Variants in SMS observed in about 807,000 individuals in gnomAD.
SMS encodes the protein spermidine aminopropyltransferase.
A neutral mutation model predicts 33.0 loss-of-function variants in SMS; 3 were observed. That is an observed-to-expected ratio of 0.09 (90% CI 0.04 to 0.23). SMS has a LOEUF of 0.23. Among genes scored for constraint, SMS ranks in the 10% least tolerant of loss-of-function variants. The pLI is 1.00. For synonymous variants in SMS, 103 were observed against 112.2 expected (o/e 0.92, Z 0.52); for missense variants, 117 against 288.6 (o/e 0.41, Z 4.31).
intron 1 of SMS, among the ~76,000 whole-genome samples, chrX:21,956,094 C>A (rs1371858234): frequency 8.9e-6 from 1 of 112,382 alleles, no homozygotes; most frequent in African/African-American, 3.2e-5. Flanking sequence ...TAACTTAGTG[C>A]ATTGAGTTTT....
chrX:21,954,790 A>G (rs1456512156), intron 1 of SMS, among the ~76,000 whole-genome samples: 3 of 111,826 alleles, frequency 2.7e-5, no homozygotes, highest in African/African-American at 9.8e-5. Context: ...TGGAAATGCT[A>G]TTTCATTGTT....
intron 1 of SMS, among the ~76,000 whole-genome samples, chrX:21,944,522 C>CAAAAAAAAAAAAAAAA (rs777680386): frequency 2.6e-4 from 9 of 34,698 alleles, no homozygotes; most frequent in African/African-American, 4.8e-4. Flanking sequence ...CCTGTCTCTA[C>CAAAAAAAAAAAAAAAA]AAAAAAAAAA....
chrX:21,979,449 C>T (rs112421038), intron 7 of SMS, among the ~76,000 whole-genome samples: 6 of 109,356 alleles, frequency 5.5e-5, no homozygotes, highest in East Asian at 2.9e-4. Flanking sequence ...TGAGAACATG[C>T]GGTGTTTGGT....
intron 1 of SMS, among the ~76,000 whole-genome samples, chrX:21,944,522 C>CAAAAAAAAAAAAAAAAA (rs777680386): frequency 8.7e-4 from 30 of 34,664 alleles, no homozygotes; most frequent in Non-Finnish European, 1.1e-3. Flanking sequence ...CCTGTCTCTA[C>CAAAAAAAAAAAAAAAAA]AAAAAAAAAA....
At chrX:21,945,639 C>T (rs185195649) in intron 1 of SMS, among the ~76,000 whole-genome samples, 1 of 69,694 alleles carries the variant, frequency 1.4e-5, no homozygotes, top group African/African-American at 5.5e-5. Context: ...TCCCGTCCCC[C>T]CCCCCACCCC....
intron 1 of SMS, among the ~76,000 whole-genome samples, chrX:21,953,571 C>T (rs7883330): frequency 0.15 from 17,064 of 111,551 alleles, 1,006 homozygotes; most frequent in African/African-American, 0.17. Flanking sequence ...TCAGCGGGAA[C>T]TGGGTTTTCT....
intron 1 of SMS, chrX:21,941,420 G>A (rs1921765238): frequency 5.3e-6 from 1 of 189,757 alleles, no homozygotes; most frequent in Non-Finnish European, 1.0e-5. Flanking sequence ...GCTGGGGCTG[G>A]GGAAAGGTCT....
At chrX:21,953,735 G>C (rs909504328) in intron 1 of SMS, among the ~76,000 whole-genome samples, 2 of 112,188 alleles carry the variant, frequency 1.8e-5, no homozygotes, top group Non-Finnish European at 3.8e-5. Flanking sequence ...GTTGGTGCTT[G>C]CAGAGTATCC....
chrX:21,991,948 T>C (rs56280627), intron 9 of SMS, among the ~76,000 whole-genome samples: 23,711 of 111,202 alleles, frequency 0.21, 2,189 homozygotes, highest in African/African-American at 0.35. Context: ...AGACTTCCAG[T>C]ATATCTCATT....
intron 2 of SMS, among the ~76,000 whole-genome samples, chrX:21,967,977 T>C (rs1923862362): frequency 8.9e-6 from 1 of 112,448 alleles, no homozygotes; most frequent in South Asian, 3.7e-4. Context: ...TCAGCAGAGA[T>C]GATATCGGAG....
chrX:21,980,429 A>AAAATAT (rs1260210326), intron 7 of SMS, among the ~76,000 whole-genome samples: 2 of 63,047 alleles, frequency 3.2e-5, no homozygotes, highest in South Asian at 1.5e-3. Context: ...AAAAAAAAAA[A>AAAATAT]ATATATATAT....
chrX:21,942,829 C>CTTT (rs772851812), intron 1 of SMS, among the ~76,000 whole-genome samples: 6 of 81,889 alleles, frequency 7.3e-5, no homozygotes, highest in African/African-American at 2.6e-4. Context: ...ATTTTCTTAA[C>CTTT]TTTTTTTTTT....
At chrX:21,982,336 CAAAAAA>C (rs11430711) in intron 7 of SMS, among the ~76,000 whole-genome samples, 4 of 46,096 alleles carry the variant, frequency 8.7e-5, no homozygotes, top group Non-Finnish European at 1.7e-4. Context: ...AGACTTGTCT[CAAAAAA>C]AAAAAAAAAA....
In SMS at chrX:21,983,894, A is replaced by C. The variant is rs760938568; in HGVS notation, c.751-410A>C. 1.4e-4 allele frequency among the ~76,000 whole-genome samples: 16 copies of C among 111,659 alleles called. No homozygotes were observed. In the South Asian group the frequency reaches 5.6e-3, roughly 39 times the overall value. On this transcript the variant is annotated intron_variant, in intron 7 of 10. Coordinates refer to ENST00000404933, the MANE Select transcript of SMS (RefSeq NM_004595.5). Reference sequence around the variant, plus strand: ...TTAAAAATAGTTTATTAATTAAAAAAATAAAAATTAAAAGAAGATGATACA... The same window carrying C: ...TTAAAAATAGTTTATTAATTAAAAACATAAAAATTAAAAGAAGATGATACA...
At chrX:21,948,025 C>T (rs1922355647) in intron 1 of SMS, among the ~76,000 whole-genome samples, 1 of 111,558 alleles carries the variant, frequency 9.0e-6, no homozygotes, top group Admixed American at 9.5e-5. Context: ...CTTTTCCCAA[C>T]TCTGCAAAAG....
At chrX:21,960,144 G>T (rs1923242291) in intron 1 of SMS, among the ~76,000 whole-genome samples, 1 of 111,244 alleles carries the variant, frequency 9.0e-6, no homozygotes, top group Admixed American at 9.6e-5. Flanking sequence ...TGGAGCAGTA[G>T]GTGGGCTGGA....
At chrX:21,983,172 C>T (rs761183474) in intron 7 of SMS, among the ~76,000 whole-genome samples, 8 of 110,369 alleles carry the variant, frequency 7.2e-5, no homozygotes, top group Non-Finnish European at 1.5e-4. Context: ...CCTGAGTAGC[C>T]GGGACTACAG....
At chrX:21,971,733 C>T (rs1173120514) in intron 2 of SMS, among the ~76,000 whole-genome samples, 164 bp from the exon 3 acceptor site, 1 of 111,600 alleles carries the variant, frequency 9.0e-6, no homozygotes, top group Non-Finnish European at 1.9e-5. Context: ...GTAGTTTCTC[C>T]CCGCAAGACG....
intron 7 of SMS, 102 bp from the exon 8 acceptor site, chrX:21,984,202 A>G (rs748721703): frequency 8.4e-6 from 5 of 594,664 alleles, no homozygotes; most frequent in Non-Finnish European, 1.2e-5. Flanking sequence ...CTGTGGATAT[A>G]AGCCCATACT....
Sources: allele counts gnomAD v4.1 joint callset (sites outside exome capture counted in the v4.1 genomes callset), GRCh38; gene constraint gnomAD v4.1.1; transcripts MANE v1.5; gene names NCBI Gene and HGNC (gene_info 2026-07-23, HGNC 2026-07-21).